PPP6R3: variants seen among roughly 807,000 people sequenced by gnomAD.
PPP6R3 encodes the protein protein phosphatase 6 regulatory subunit 3, also known as serine/threonine-protein phosphatase 6 regulatory subunit 3.
In PPP6R3, 38 loss-of-function variants were observed where a neutral mutation model predicts 110.7. The observed-to-expected ratio is 0.34, with a 90% CI of 0.26 to 0.45. PPP6R3 has a LOEUF of 0.45. Among genes scored for constraint, PPP6R3 ranks in the 20% least tolerant of loss-of-function variants. The pLI is 1.00. For synonymous variants in PPP6R3, 369 were observed against 373.5 expected (o/e 0.99, Z 0.14); for missense variants, 870 against 1,062.4 (o/e 0.82, Z 2.52).
intron 22 of PPP6R3, among the ~76,000 whole-genome samples, chr11:68,604,136 A>G (rs1054121503): frequency 1.3e-5 from 2 of 152,224 alleles, no homozygotes; most frequent in Admixed American, 1.3e-4. Flanking sequence ...AGGTCACTAC[A>G]AAACAAGGAG....
At chr11:68,600,014 C>T (rs1042086009) in intron 19 of PPP6R3, among the ~76,000 whole-genome samples, 3 of 152,180 alleles carry the variant, frequency 2.0e-5, no homozygotes, top group African/African-American at 4.8e-5. Context: ...CCCAGCTACT[C>T]AGGAGGCTGA....
chr11:68,574,651 T>C (rs958017055), intron 13 of PPP6R3, among the ~76,000 whole-genome samples: 2 of 152,224 alleles, frequency 1.3e-5, no homozygotes, highest in African/African-American at 4.8e-5. Context: ...TATTAGGGCA[T>C]TTATCAGCAT....
Position 68,614,501 on chromosome 11 carries a change from C to T in PPP6R3, c.*1384C>T. 7.1e-7 allele frequency: 1 copy of T among 1,411,176 alleles called. No individual in the cohort carries two copies. The highest frequency in any genetic ancestry group is 1.5e-5 in the African/African-American group (1 of 67,076). 87.4% of individuals were successfully genotyped at this position (1,411,176 alleles called of 1,614,324 possible). ...CAGTATTTAAAACCAAAAGGATATT[C>T]TGAAAAATGGCCAACAATTTTTTTA... On this transcript the variant is annotated 3_prime_UTR_variant, in exon 24 of 24. Coordinates refer to ENST00000393800, the MANE Select transcript of PPP6R3 (RefSeq NM_001164161.2).
At chr11:68,601,417 C>T (rs2099631518) in intron 20 of PPP6R3, among the ~76,000 whole-genome samples, 1 of 152,148 alleles carries the variant, frequency 6.6e-6, no homozygotes, top group Non-Finnish European at 1.5e-5. Context: ...TTCCACAGTT[C>T]CAACAACAAA....
intron 14 of PPP6R3, 42 bp from the exon 15 acceptor site, chr11:68,583,001 C>A: frequency 7.4e-7 from 1 of 1,350,260 alleles, no homozygotes; most frequent in Non-Finnish European, 1.0e-6. Context: ...ATGTCCAAAA[C>A]TTTTCTATGT....
At chr11:68,593,941 G>A (rs2099603377) in intron 18 of PPP6R3, among the ~76,000 whole-genome samples, 1 of 151,988 alleles carries the variant, frequency 6.6e-6, no homozygotes, top group South Asian at 2.1e-4. Flanking sequence ...GAGGCTACAG[G>A]GAGCCAAGAT....
At chr11:68,588,586 T>G (rs1434634605) in intron 16 of PPP6R3, among the ~76,000 whole-genome samples, 1 of 151,808 alleles carries the variant, frequency 6.6e-6, no homozygotes, top group Non-Finnish European at 1.5e-5. Flanking sequence ...GCCTCCTTAG[T>G]AGCTGGGACT....
chr11:68,474,195 C>T (rs1377789161), intron 1 of PPP6R3, among the ~76,000 whole-genome samples: 1 of 152,102 alleles, frequency 6.6e-6, no homozygotes, highest in Non-Finnish European at 1.5e-5. Context: ...CAAGCACACA[C>T]CACCATGCCT....
At chr11:68,467,724 C>T (rs1218547405) in intron 1 of PPP6R3, among the ~76,000 whole-genome samples, 4 of 152,130 alleles carry the variant, frequency 2.6e-5, no homozygotes, top group Admixed American at 6.5e-5. Flanking sequence ...GGCTTCCATT[C>T]GTGAGAATCA....
intron 1 of PPP6R3, among the ~76,000 whole-genome samples, chr11:68,477,744 ATATATATAT>A (rs2098845372): frequency 4.1e-5 from 2 of 48,962 alleles, no homozygotes; most frequent in African/African-American, 1.2e-4. Context: ...AAAAAAAAAT[ATATATATAT>A]ATATATATAT....
At chr11:68,604,020 A>G (rs1424290588) in intron 22 of PPP6R3, among the ~76,000 whole-genome samples, 2 of 152,224 alleles carry the variant, frequency 1.3e-5, no homozygotes, top group Non-Finnish European at 2.9e-5. Flanking sequence ...ATAATGGGAA[A>G]AATGTCTGTC....
chr11:68,603,054 T>C (rs2099636494), intron 21 of PPP6R3, among the ~76,000 whole-genome samples: 1 of 152,022 alleles, frequency 6.6e-6, no homozygotes, highest in South Asian at 2.1e-4. Flanking sequence ...GGAGCACAAG[T>C]GTCTGCTGGG....
intron 14 of PPP6R3, 142 bp from the exon 15 acceptor site, chr11:68,582,901 G>A (rs1161412022): frequency 3.0e-6 from 2 of 671,794 alleles, no homozygotes; most frequent in Admixed American, 3.3e-5. Context: ...GGGCGGGTTT[G>A]GCAGCTTAAC....
chr11:68,519,919 G>T (rs1182271207), intron 2 of PPP6R3, among the ~76,000 whole-genome samples: 3 of 152,194 alleles, frequency 2.0e-5, no homozygotes. Context: ...GACCAGCCAG[G>T]CCTAGTAAGC....
chr11:68,503,083 A>G (rs572122205), intron 1 of PPP6R3, among the ~76,000 whole-genome samples: 1 of 152,038 alleles, frequency 6.6e-6, no homozygotes. Context: ...ACCTGGGACT[A>G]CAGGCGCACA....
At chr11:68,559,412 T>C (rs751235024) in intron 8 of PPP6R3, among the ~76,000 whole-genome samples, 24 of 152,208 alleles carry the variant, frequency 1.6e-4, no homozygotes, top group Non-Finnish European at 2.9e-4. Flanking sequence ...TTTTCCGGGA[T>C]TGTGTGATGT....
Position 68,542,398 on chromosome 11 carries a change from T to TTTTTTTTTTTTG in PPP6R3, c.228-2429_228-2428insGTTTTTTTTTTT, listed in dbSNP as rs2099323607. ...TGCTTGAGAAGCTGCTGTTTTTTTTTTTTTTTTTTTTTTAAGACAGAGTCT... is the reference window on the plus strand; with the variant it reads ...TGCTTGAGAAGCTGCTGTTTTTTTTTTTTTTTTTTTTGTTTTTTTTTTTTTAAGACAGAGTCT... On this transcript the variant is annotated intron_variant, in intron 3 of 23. Transcript: ENST00000393800. Among the ~76,000 whole-genome samples the TTTTTTTTTTTTG allele has an allele frequency of 4.5e-5, 5 of 111,746 alleles. 2 individuals carry two copies. In the South Asian group the frequency reaches 1.1e-3, roughly 24 times the overall value. The allele number at this position is 111,746 out of a possible 152,430, so 73.3% of individuals were successfully genotyped here.
rs1426746891 is a variant in PPP6R3, at chr11:68,544,859, G to A, written c.249G>A (p.Glu83=). The change falls in exon 4 of 24, where the codon GAG becomes GAA. Residue 83 remains glutamate, a synonymous_variant. Coordinates refer to ENST00000393800, the MANE Select transcript of PPP6R3 (RefSeq NM_001164161.2). ...CTAGGTATCCAAATATATCTTGTGA[G>A]TTGCTCACTTCTGATGTCTCCCAGA... The part of the protein sequence containing the change: ...IRYKYPNISC[E]LLTSDVSQMN... 6.2e-7 allele frequency: 1 copy of A among 1,603,096 alleles called. No homozygotes were observed. The highest frequency in any genetic ancestry group is 1.7e-5 in the Admixed American group (1 of 59,832).
At chr11:68,474,958 C>T (rs55703511) in intron 1 of PPP6R3, among the ~76,000 whole-genome samples, 7 of 150,758 alleles carry the variant, frequency 4.6e-5, no homozygotes, top group South Asian at 2.1e-4. Flanking sequence ...GGGTGTTTCT[C>T]GCAGAGGGGG....
Sources: gnomAD v4.1 joint callset for allele counts (sites outside exome capture counted in the v4.1 genomes callset) on GRCh38, gnomAD v4.1.1 for gene constraint, MANE v1.5 for transcripts, NCBI Gene and HGNC (gene_info 2026-07-23, HGNC 2026-07-21) for gene names.